The following PTPRK variants were observed in gnomAD, a reference collection of about 807,000 sequenced individuals.
PTPRK encodes protein tyrosine phosphatase receptor type K, also known as receptor-type tyrosine-protein phosphatase kappa.
A neutral mutation model predicts 178.0 loss-of-function variants in PTPRK; 75 were observed. The observed-to-expected ratio is 0.42, with a 90% CI of 0.35 to 0.51. The LOEUF (loss-of-function observed/expected upper bound fraction) is 0.51. Ranked by LOEUF, PTPRK falls within the 20% of genes least tolerant of loss-of-function variation. The pLI, the probability that PTPRK is intolerant of heterozygous loss-of-function variation, is 0.02. For missense variants in PTPRK, 1,441 were observed against 1,797.8 expected, an observed-to-expected ratio of 0.80 and a Z score of 3.59; for synonymous variants, 637 against 620.6, an observed-to-expected ratio of 1.03 and a Z score of -0.39.
intron 1 of PTPRK, among the ~76,000 whole-genome samples, chr6:128,517,915 A>G (rs1181002024): frequency 6.6e-6 from 1 of 152,256 alleles, no homozygotes; most frequent in Admixed American, 6.5e-5. Flanking sequence ...AATATAAGAA[A>G]AACCAGCAAT....
chr6:128,381,882 G>T (rs144343787), intron 2 of PTPRK, among the ~76,000 whole-genome samples: 250 of 152,058 alleles, frequency 1.6e-3, no homozygotes, highest in Non-Finnish European at 2.7e-3. Flanking sequence ...GTCTCTTTCA[G>T]ATTTAACAGA....
intron 3 of PTPRK, among the ~76,000 whole-genome samples, chr6:128,311,920 A>G (rs939447591): frequency 5.3e-5 from 8 of 152,216 alleles, no homozygotes; most frequent in African/African-American, 1.9e-4. Context: ...ACAGGTTAAC[A>G]AGAGAAAAAC....
intron 7 of PTPRK, among the ~76,000 whole-genome samples, chr6:128,111,050 C>G (rs1329590222): frequency 6.6e-6 from 1 of 152,112 alleles, no homozygotes; most frequent in East Asian, 1.9e-4. Flanking sequence ...CTCTAATCTA[C>G]AACAACATCA....
chr6:128,350,123 AG>A (rs1167923383), intron 2 of PTPRK, among the ~76,000 whole-genome samples: 2 of 152,140 alleles, frequency 1.3e-5, no homozygotes, highest in African/African-American at 4.8e-5. Flanking sequence ...GGATGGCAGA[AG>A]GGGAGAAATA....
At chr6:128,336,198 T>G (rs1830902707) in intron 2 of PTPRK, among the ~76,000 whole-genome samples, 1 of 151,910 alleles carries the variant, frequency 6.6e-6, no homozygotes, top group Non-Finnish European at 1.5e-5. Flanking sequence ...TGTGTTTTTT[T>G]TTTTGTTTTT....
intron 5 of PTPRK, among the ~76,000 whole-genome samples, chr6:128,220,398 G>C (rs1236376665): frequency 1.3e-5 from 2 of 152,106 alleles, no homozygotes; most frequent in Non-Finnish European, 2.9e-5. Flanking sequence ...AAAGGACAAA[G>C]AAAACCCACA....
chr6:128,495,843 G>C (rs1002216781), intron 1 of PTPRK, among the ~76,000 whole-genome samples: 4 of 152,280 alleles, frequency 2.6e-5, no homozygotes, highest in Middle Eastern at 3.4e-3. Context: ...GCCATAGTGA[G>C]TGGGCTTCTC....
intron 6 of PTPRK, among the ~76,000 whole-genome samples, chr6:128,214,283 G>A (rs1011602276): frequency 1.3e-5 from 2 of 152,020 alleles, no homozygotes; most frequent in Non-Finnish European, 1.5e-5. Context: ...GACCAAATAA[G>A]CTACGATCCT....
At chr6:128,098,483 C>T (rs752887569) in intron 7 of PTPRK, among the ~76,000 whole-genome samples, 4 of 151,972 alleles carry the variant, frequency 2.6e-5, no homozygotes, top group Non-Finnish European at 4.4e-5. Flanking sequence ...TTACCCGAGT[C>T]GTACCAGCAG....
intron 13 of PTPRK, among the ~76,000 whole-genome samples, chr6:128,034,950 T>G (rs9491904): frequency 0.24 from 36,973 of 152,120 alleles, 6,342 homozygotes; most frequent in African/African-American, 0.49. Context: ...AAGATAAAAG[T>G]GAAACAGACA....
chr6:128,299,310 G>A (rs537713783), intron 3 of PTPRK, among the ~76,000 whole-genome samples: 1 of 6,596 alleles, frequency 1.5e-4, no homozygotes, highest in East Asian at 0.011. Context: ...GTAATTTATA[G>A]ATTCAATGCC....
At chr6:127,995,110 G>A (rs1776998207) in intron 18 of PTPRK, 6 of 807,460 alleles carry the variant, frequency 7.4e-6, no homozygotes, top group South Asian at 2.0e-5. Context: ...ACAAAAAAAC[G>A]AACAGAGATA....
chr6:128,129,714 T>A (rs576900018), intron 7 of PTPRK, among the ~76,000 whole-genome samples: 1 of 152,256 alleles, frequency 6.6e-6, no homozygotes, highest in Admixed American at 6.5e-5. Context: ...CATTTACAAG[T>A]TGAACATCAT....
chr6:128,502,051 G>A (rs947048224), intron 1 of PTPRK, among the ~76,000 whole-genome samples: 2 of 152,176 alleles, frequency 1.3e-5, no homozygotes, highest in Non-Finnish European at 1.5e-5. Context: ...TGAGCCACGG[G>A]AGGTTTGTTA....
At chr6:128,254,462 G>A (rs1482267298) in intron 3 of PTPRK, among the ~76,000 whole-genome samples, 2 of 152,012 alleles carry the variant, frequency 1.3e-5, no homozygotes, top group Non-Finnish European at 2.9e-5. Flanking sequence ...ATCCCAGAAC[G>A]ACTAAAAATA....
chr6:128,229,047 C>G (rs1366189214), intron 5 of PTPRK, among the ~76,000 whole-genome samples: 1 of 152,136 alleles, frequency 6.6e-6, no homozygotes, highest in Non-Finnish European at 1.5e-5. Context: ...TTCCCATGAG[C>G]AGTTCCTAAG....
chr6:128,105,062 ACTTCT>A (rs1390416750), intron 7 of PTPRK, among the ~76,000 whole-genome samples: 1 of 151,284 alleles, frequency 6.6e-6, no homozygotes, highest in Admixed American at 6.6e-5. Flanking sequence ...TCTTTCAAAT[ACTTCT>A]CTTGTTTTCT....
At chr6:128,436,889 G>A (rs1020675181) in intron 1 of PTPRK, among the ~76,000 whole-genome samples, 6 of 152,292 alleles carry the variant, frequency 3.9e-5, no homozygotes, top group Admixed American at 1.3e-4. Flanking sequence ...CCTCAGTTAC[G>A]CAGGATGAAT....
At chr6:128,218,105 G>A (rs545810481) in intron 6 of PTPRK, among the ~76,000 whole-genome samples, 4 of 152,066 alleles carry the variant, frequency 2.6e-5, no homozygotes, top group South Asian at 4.1e-4. Flanking sequence ...AATTTCCATC[G>A]TTTTGTGTCT....
Sources: gnomAD v4.1 joint callset for allele counts (sites outside exome capture counted in the v4.1 genomes callset) on GRCh38, gnomAD v4.1.1 for gene constraint, MANE v1.5 for transcripts, NCBI Gene and HGNC (gene_info 2026-07-23, HGNC 2026-07-21) for gene names.